RYR2: variants seen among roughly 807,000 people sequenced by gnomAD.
RYR2 encodes the protein cardiac muscle ryanodine receptor-calcium release channel.
RYR2 carries 227 observed loss-of-function variants against 601.1 expected under a neutral mutation model. The ratio of observed to expected loss-of-function variants is 0.38; its 90% confidence interval spans 0.34 to 0.42. The LOEUF (loss-of-function observed/expected upper bound fraction) is 0.42. Ranked by LOEUF, RYR2 falls within the 10% of genes least tolerant of loss-of-function variation. The probability of loss-of-function intolerance (pLI) is 1.00; values close to 1 mark genes in which losing one functional copy is unlikely to be tolerated. For synonymous variants in RYR2, 2,223 were observed against 2,175.1 expected (o/e 1.02, Z -0.61); for missense variants, 4,646 against 6,156.5 (o/e 0.75, Z 8.21).
intron 19 of RYR2, among the ~76,000 whole-genome samples, chr1:237,494,708 T>C (rs1663841936): frequency 6.6e-6 from 1 of 152,202 alleles, no homozygotes; most frequent in African/African-American, 2.4e-5. Flanking sequence ...AACATTGACA[T>C]ACTGTATCTA....
intron 70 of RYR2, among the ~76,000 whole-genome samples, chr1:237,710,281 C>A (rs1325740763): frequency 6.6e-6 from 1 of 152,062 alleles, no homozygotes; most frequent in Non-Finnish European, 1.5e-5. Flanking sequence ...AATTATAATT[C>A]TATGCCACTC....
At chr1:237,481,304 A>G (rs1662064831) in intron 17 of RYR2, among the ~76,000 whole-genome samples, 1 of 152,090 alleles carries the variant, frequency 6.6e-6, no homozygotes, top group Admixed American at 6.5e-5. Flanking sequence ...AAAGTTAAAA[A>G]ATAATTTACC....
chr1:237,402,970 A>G (rs186765556), intron 10 of RYR2, among the ~76,000 whole-genome samples: 1 of 143,804 alleles, frequency 7.0e-6, no homozygotes, highest in African/African-American at 2.5e-5. Context: ...AAAGATGGTA[A>G]ATGATATTAT....
At chr1:237,743,933 C>G (rs1000572343) in intron 80 of RYR2, among the ~76,000 whole-genome samples, 2 of 152,190 alleles carry the variant, frequency 1.3e-5, no homozygotes, top group African/African-American at 4.8e-5. Context: ...AGGGACTTCT[C>G]ATTTTCGGTG....
chr1:237,625,293 G>T (rs547301438), intron 39 of RYR2, among the ~76,000 whole-genome samples: 26 of 152,248 alleles, frequency 1.7e-4, no homozygotes, highest in African/African-American at 6.3e-4. Flanking sequence ...GTGGGGCATG[G>T]TGTAGGCAGG....
At chr1:237,381,601 G>A (rs922071133) in intron 8 of RYR2, among the ~76,000 whole-genome samples, 1 of 152,182 alleles carries the variant, frequency 6.6e-6, no homozygotes, top group African/African-American at 2.4e-5. Context: ...AGTGCATGGG[G>A]TACACTAATA....
chr1:237,724,789 A>G (rs1690064069), intron 74 of RYR2, among the ~76,000 whole-genome samples: 1 of 151,768 alleles, frequency 6.6e-6, no homozygotes, highest in South Asian at 2.1e-4. Flanking sequence ...CTCTACCATC[A>G]GTTTTTAATT....
At chr1:237,556,645 T>A (rs1670918473) in intron 27 of RYR2, among the ~76,000 whole-genome samples, 1 of 151,798 alleles carries the variant, frequency 6.6e-6, no homozygotes. Context: ...ATGGAACACC[T>A]ACTGTGCCTA....
At chr1:237,726,202 A>T in intron 74 of RYR2, 71 bp from the exon 75 acceptor site, 3 of 1,004,148 alleles carry the variant, frequency 3.0e-6, no homozygotes, top group Non-Finnish European at 4.5e-6. Flanking sequence ...ATCATTTTTG[A>T]CTCTTTACTG....
At chr1:237,671,700 C>G (rs753934800) in intron 58 of RYR2, among the ~76,000 whole-genome samples, 2 of 151,986 alleles carry the variant, frequency 1.3e-5, no homozygotes, top group African/African-American at 2.4e-5. Flanking sequence ...AGAAAAATGC[C>G]TCCTTTGCTT....
chr1:237,614,127 C>T lies in RYR2; in HGVS notation c.4999C>T (p.Leu1667Phe). The change falls in exon 37 of 105, where the codon CTT becomes TTT. Residue 1667 changes from leucine (L) to phenylalanine (F), a missense_variant. Transcript: ENST00000366574. The surrounding 1 kb of genome is among the most constrained non-coding windows in gnomAD (Gnocchi z 4.3). ...TLRLYSAVCA[L>F]GNHRVAHALC... Reference sequence around the variant, plus strand: ...CCGGCTCTACTCAGCCGTCTGTGCTCTTGGGAACCACCGGGTGGCCCATGC... The same window carrying T: ...CCGGCTCTACTCAGCCGTCTGTGCTTTTGGGAACCACCGGGTGGCCCATGC... The T allele has an allele frequency of 6.2e-7, 1 of 1,614,044 alleles. No homozygotes were observed. Among genetic ancestry groups the T allele is most frequent in the Non-Finnish European group, 8.5e-7 (1 of 1,179,892 alleles).
Position 237,500,814 on chromosome 1 carries a change from A to G in RYR2, c.2307A>G (p.Arg769=), listed in dbSNP as rs1664555964. 6.2e-7 allele frequency: 1 copy of G among 1,614,050 alleles called. No individual in the cohort carries two copies. Among genetic ancestry groups the G allele is most frequent in the Non-Finnish European group, 8.5e-7 (1 of 1,179,900 alleles). ...TGAGTGCCCCAAGCATCTCGTTCCGAATTAATGGACAACCTGTTCAAGGAA... is the reference window on the plus strand; with the variant it reads ...TGAGTGCCCCAAGCATCTCGTTCCGGATTAATGGACAACCTGTTCAAGGAA... The part of the protein sequence containing the change: ...LDLSAPSISF[R]INGQPVQGMF... The change falls in exon 21 of 105, where the codon CGA becomes CGG. Residue 769 remains arginine, a synonymous_variant. Coordinates refer to ENST00000366574, the MANE Select transcript of RYR2 (RefSeq NM_001035.3).
chr1:237,560,690 A>G (rs940619620), intron 27 of RYR2, among the ~76,000 whole-genome samples: 2 of 152,168 alleles, frequency 1.3e-5, no homozygotes, highest in Non-Finnish European at 2.9e-5. Context: ...AGCTATGAAA[A>G]ATTTCATTTG....
At chr1:237,094,055 A>T (rs191316865) in intron 1 of RYR2, among the ~76,000 whole-genome samples, 119 of 152,306 alleles carry the variant, frequency 7.8e-4, no homozygotes, top group African/African-American at 2.8e-3. Flanking sequence ...TGGAAGGGCC[A>T]GTGGGGCAGG....
intron 28 of RYR2, among the ~76,000 whole-genome samples, chr1:237,568,821 T>TA (rs1443703484): frequency 6.6e-6 from 1 of 152,156 alleles, no homozygotes; most frequent in African/African-American, 2.4e-5. Flanking sequence ...AAAAATGATA[T>TA]ATTCTAAAGG....
rs16835713 is a variant in RYR2, at chr1:237,749,658, T to G, written c.11146-6630T>G. Reference sequence around the variant, plus strand: ...ATGTTCTCAGATGTCAAATCTACCCTTAACAGTTGTGTGGTTTGCTATCCA... The same window carrying G: ...ATGTTCTCAGATGTCAAATCTACCCGTAACAGTTGTGTGGTTTGCTATCCA... On this transcript the variant is annotated intron_variant, in intron 80 of 104. Transcript: ENST00000366574. 7.0e-3 allele frequency among the ~76,000 whole-genome samples: 1,065 copies of G among 152,226 alleles called. 14 individuals carry two copies. Among genetic ancestry groups the G allele is most frequent in the African/African-American group, 0.024 (1,012 of 41,546 alleles).
intron 1 of RYR2, among the ~76,000 whole-genome samples, chr1:237,211,292 G>A (rs1292079256): frequency 6.6e-6 from 1 of 152,142 alleles, no homozygotes. Flanking sequence ...ATTTAGATTT[G>A]ACTATATGTG....
intron 21 of RYR2, 114 bp downstream of exon 21, chr1:237,501,017 A>T: frequency 2.0e-6 from 2 of 1,025,224 alleles, no homozygotes; most frequent in Non-Finnish European, 3.0e-6. Flanking sequence ...TCTCCTGGGC[A>T]CCTGTCCTCT....
rs1422619101 is a variant in RYR2, at chr1:237,241,783, C to T, written c.49-28714C>T. The stretch of plus-strand genomic sequence containing the variant: ...TCCCTTTTTAGACTATATAGGATAA[C>T]TTCCAGACATTGTCATGGCCTTTGT... On this transcript the variant is annotated intron_variant, in intron 1 of 104. Coordinates refer to ENST00000366574, the MANE Select transcript of RYR2 (RefSeq NM_001035.3). Among the ~76,000 whole-genome samples, 5 of 152,312 alleles carry T rather than the reference C, an allele frequency of 3.3e-5. No individual in the cohort carries two copies. In the East Asian group the frequency reaches 9.7e-4, roughly 29 times the overall value.
Sources: gnomAD v4.1 joint callset for allele counts (sites outside exome capture counted in the v4.1 genomes callset) on GRCh38, gnomAD v4.1.1 for gene constraint, Gnocchi (gnomAD v3.1) non-coding constraint, MANE v1.5 for transcripts, NCBI Gene and HGNC (gene_info 2026-07-23, HGNC 2026-07-21) for gene names.